KCNQ1OT1: variants seen among roughly 807,000 people sequenced by gnomAD.
KCNQ1OT1 encodes the protein KCNQ1 opposite strand/antisense transcript 1, also known as KCNQ1 antisense RNA 2 (non-protein coding).
exon 1 of KCNQ1OT1, chr11:2,686,156 G>A (rs546112168): frequency 2.3e-5 from 9 of 398,858 alleles, no homozygotes; most frequent in South Asian, 2.5e-4. Flanking sequence ...GGTTTGCTTC[G>A]CCTTTCTGAG....
exon 1 of KCNQ1OT1, chr11:2,615,389 G>A: frequency 2.5e-6 from 1 of 397,854 alleles, no homozygotes; most frequent in Non-Finnish European, 4.4e-6. Context: ...TCATTTACCT[G>A]TTTGTTTATT....
In KCNQ1OT1 at chr11:2,626,864, C is replaced by T; in HGVS notation, n.73131G>A. 2.5e-6 allele frequency: 1 copy of T among 398,562 alleles called. No individual in the cohort carries two copies. Among genetic ancestry groups the T allele is most frequent in the Non-Finnish European group, 4.4e-6 (1 of 226,048 alleles). 24.7% of individuals were successfully genotyped at this position (398,562 alleles called of 1,614,324 possible). On this transcript the variant is annotated non_coding_transcript_exon_variant, in exon 1 of 1. Transcript: ENST00000597346. This position sits in a 1 kb window ranked among gnomAD's most constrained non-coding sequence, Gnocchi z 4.0. ...TTCAAATCAGAAAGTGTGAGTCCTC[C>T]AATGTTGTTCATCATTTTCAAGAAT...
exon 1 of KCNQ1OT1, chr11:2,643,547 G>A (rs1342769021): frequency 2.5e-6 from 1 of 398,306 alleles, no homozygotes; most frequent in Non-Finnish European, 4.4e-6. Context: ...TGTCTTTACA[G>A]GTGAGATGCG....
At chr11:2,640,546 A>C in exon 1 of KCNQ1OT1, 1 of 384,264 alleles carries the variant, frequency 2.6e-6, no homozygotes. Context: ...TTGGCCCCCC[A>C]AAGCACTGGG....
chr11:2,639,440 C>G (rs1475400690), exon 1 of KCNQ1OT1: 1 of 152,248 alleles, frequency 6.6e-6, no homozygotes, highest in Non-Finnish European at 1.5e-5. Flanking sequence ...AGTCAGGACC[C>G]TCAGCTGCAG....
At chr11:2,631,398 C>T (rs901127889) in exon 1 of KCNQ1OT1, 2 of 398,302 alleles carry the variant, frequency 5.0e-6, no homozygotes, top group South Asian at 2.5e-4. Flanking sequence ...TCATTTCATG[C>T]ACTATATTCT....
exon 1 of KCNQ1OT1, chr11:2,614,344 G>C: frequency 7.5e-6 from 3 of 398,382 alleles, no homozygotes; most frequent in Admixed American, 4.4e-5. Context: ...TTAGTCTTCT[G>C]TGCACCCTTT....
At position 2,653,444 on chromosome 11, in the gene KCNQ1OT1, A is replaced by G; in HGVS notation, n.46551T>C. Reference sequence around the variant, plus strand: ...AAACAAGCTTAAGCACAAAAGGGACATTTTTTGGCTCACACAGCTGGACCC... The same window carrying G: ...AAACAAGCTTAAGCACAAAAGGGACGTTTTTTGGCTCACACAGCTGGACCC... On this transcript the variant is annotated non_coding_transcript_exon_variant, in exon 1 of 1. Coordinates refer to ENST00000597346, the Ensembl canonical transcript of KCNQ1OT1. The surrounding 1 kb of genome is among the most constrained non-coding windows in gnomAD (Gnocchi z 5.3). The G allele has an allele frequency of 2.5e-6, 1 of 398,550 alleles. No individual in the cohort carries two copies. Among genetic ancestry groups the G allele is most frequent in the Non-Finnish European group, 4.4e-6 (1 of 226,072 alleles). 24.7% of individuals were successfully genotyped at this position (398,550 alleles called of 1,614,324 possible). A position where few individuals can be genotyped will look rare whatever the true frequency, so the allele number is the denominator to read the frequency against.
chr11:2,660,356 G>A (rs1259409936), exon 1 of KCNQ1OT1: 1 of 398,372 alleles, frequency 2.5e-6, no homozygotes, highest in Non-Finnish European at 4.4e-6. Flanking sequence ...ATTTAAGAGA[G>A]AATTGTATTA....
At chr11:2,609,743 C>A in exon 1 of KCNQ1OT1, 1 of 398,268 alleles carries the variant, frequency 2.5e-6, no homozygotes, top group South Asian at 1.3e-4. Flanking sequence ...TGTATCTTCT[C>A]ATGAATTGAC....
At position 2,676,643 on chromosome 11, in the gene KCNQ1OT1, A is replaced by G; in HGVS notation, n.23352T>C. The G allele has an allele frequency of 2.5e-6, 1 of 398,672 alleles. No individual in the cohort carries two copies. The highest frequency in any genetic ancestry group is 2.1e-5 in the African/African-American group (1 of 48,760). 24.7% of individuals were successfully genotyped at this position (398,672 alleles called of 1,614,324 possible). On this transcript the variant is annotated non_coding_transcript_exon_variant, in exon 1 of 1. Transcript: ENST00000597346. The surrounding 1 kb of genome is among the most constrained non-coding windows in gnomAD (Gnocchi z 4.2). ...TGGGTAGCTTCACAGATTCACAGAT[A>G]GATAGTTCATTAAGGTCTTGAGTAT...
rs1043934515 is a variant in KCNQ1OT1, at chr11:2,624,382, T to C, written n.75613A>G. ...TCTGTGGCCTGTCCTTTCATCCTCT[T>C]GACAGTATGTTTTACAGAGCAGAAA... is the stretch of plus-strand genomic sequence containing the variant. On this transcript the variant is annotated non_coding_transcript_exon_variant, in exon 1 of 1. Coordinates refer to ENST00000597346, the Ensembl canonical transcript of KCNQ1OT1. This position sits in a 1 kb window ranked among gnomAD's most constrained non-coding sequence, Gnocchi z 4.9. 1 of 398,516 alleles carries C rather than the reference T, an allele frequency of 2.5e-6. No individual in the cohort carries two copies. The highest frequency in any genetic ancestry group is 4.4e-6 in the Non-Finnish European group (1 of 226,012). 24.7% of individuals were successfully genotyped at this position (398,516 alleles called of 1,614,324 possible).
chr11:2,691,959 G>A lies in KCNQ1OT1; in HGVS notation n.8036C>T. 2 of 398,622 alleles carry A rather than the reference G, an allele frequency of 5.0e-6. No individual in the cohort carries two copies. Among genetic ancestry groups the A allele is most frequent in the Non-Finnish European group, 8.8e-6 (2 of 226,100 alleles). 24.7% of individuals were successfully genotyped at this position (398,622 alleles called of 1,614,324 possible). On this transcript the variant is annotated non_coding_transcript_exon_variant, in exon 1 of 1. Coordinates refer to ENST00000597346, the Ensembl canonical transcript of KCNQ1OT1. This position sits in a 1 kb window ranked among gnomAD's most constrained non-coding sequence, Gnocchi z 6.4. Reference sequence around the variant, plus strand: ...TCTGGCATGGCCACTAAATGCCAGTGCCTTTCTCTATGCAAACCATTTCCC... The same window carrying A: ...TCTGGCATGGCCACTAAATGCCAGTACCTTTCTCTATGCAAACCATTTCCC...
exon 1 of KCNQ1OT1, chr11:2,696,722 C>T (rs1342998124): frequency 5.0e-6 from 2 of 398,478 alleles, no homozygotes; most frequent in African/African-American, 4.1e-5. Flanking sequence ...AAAGATCTCC[C>T]TCTATATCCT....
Position 2,623,918 on chromosome 11 carries a change from A to G in KCNQ1OT1, n.76077T>C, listed in dbSNP as rs1849217900. On this transcript the variant is annotated non_coding_transcript_exon_variant, in exon 1 of 1. Transcript: ENST00000597346. This position sits in a 1 kb window ranked among gnomAD's most constrained non-coding sequence, Gnocchi z 5.2. ...AGTGGAATTGATGGATCCTATGATA[A>G]TTCCATTTTTAATTCTTTGAAGAAC... 5.0e-6 allele frequency: 2 copies of G among 398,602 alleles called. No homozygotes were observed. The highest frequency in any genetic ancestry group is 7.1e-5 in the East Asian group (2 of 28,074). The allele number at this position is 398,602 out of a possible 1,614,324, so 24.7% of individuals were successfully genotyped here. A position where few individuals can be genotyped will look rare whatever the true frequency, so the allele number is the denominator to read the frequency against.
At chr11:2,655,979 C>T in exon 1 of KCNQ1OT1, 1 of 398,672 alleles carries the variant, frequency 2.5e-6, no homozygotes, top group Admixed American at 4.4e-5. Context: ...TCTGGGCAGC[C>T]AACTGATGTG....
rs1034236293 is a variant in KCNQ1OT1, at chr11:2,654,753, G to A, written n.45242C>T. The A allele has an allele frequency of 1.8e-4, 71 of 398,568 alleles. No homozygotes were observed. Among genetic ancestry groups the A allele is most frequent in the East Asian group, 3.6e-5 (1 of 28,066 alleles). The allele number at this position is 398,568 out of a possible 1,614,324, so 24.7% of individuals were successfully genotyped here. ...CTGGGCAGGGAGGGGTCTGGGGCTC[G>A]ATGAGAAGGCAGAGGAAGTGAGACC... On this transcript the variant is annotated non_coding_transcript_exon_variant, in exon 1 of 1. Coordinates refer to ENST00000597346, the Ensembl canonical transcript of KCNQ1OT1. This position sits in a 1 kb window ranked among gnomAD's most constrained non-coding sequence, Gnocchi z 6.4.
Position 2,624,205 on chromosome 11 carries a change from T to C in KCNQ1OT1, n.75790A>G. 3 of 398,640 alleles carry C rather than the reference T, an allele frequency of 7.5e-6. No individual in the cohort carries two copies. The highest frequency in any genetic ancestry group is 1.3e-5 in the Non-Finnish European group (3 of 226,060). 24.7% of individuals were successfully genotyped at this position (398,640 alleles called of 1,614,324 possible). ...CATCTTTTCATATACTTAGTTGCCA[T>C]CTGTATATCTTCATTGGTGAGATGT... On this transcript the variant is annotated non_coding_transcript_exon_variant, in exon 1 of 1. Coordinates refer to ENST00000597346, the Ensembl canonical transcript of KCNQ1OT1. The surrounding 1 kb of genome is among the most constrained non-coding windows in gnomAD (Gnocchi z 4.9).
exon 1 of KCNQ1OT1, chr11:2,632,507 A>T (rs1849377569): frequency 7.5e-6 from 3 of 398,284 alleles, no homozygotes; most frequent in Non-Finnish European, 1.3e-5. Context: ...TTCTTCTAGG[A>T]GTCTTTTTCT....
Sources: gnomAD v4.1 joint callset for allele counts on GRCh38, gnomAD v4.1.1 for gene constraint, Gnocchi (gnomAD v3.1) non-coding constraint, MANE v1.5 for transcripts, NCBI Gene and HGNC (gene_info 2026-07-23, HGNC 2026-07-21) for gene names.